Variants in KLHL24 observed in about 807,000 individuals in gnomAD.
KLHL24 encodes the protein kelch-like protein 24.
In KLHL24, 29 loss-of-function variants were observed where a neutral mutation model predicts 53.4. That is an observed-to-expected ratio of 0.54 (90% CI 0.40 to 0.74). KLHL24 has a LOEUF of 0.74. KLHL24 is among the 30% of genes least tolerant of loss of function. The pLI, the probability that KLHL24 is intolerant of heterozygous loss-of-function variation, is 0.00. For missense variants in KLHL24, 504 were observed against 744.0 expected, an observed-to-expected ratio of 0.68 and a Z score of 3.75; for synonymous variants, 222 against 253.7, an observed-to-expected ratio of 0.88 and a Z score of 1.19.
At chr3:183,653,835 G>A (rs1192697623) in intron 3 of KLHL24, among the ~76,000 whole-genome samples, 1 of 152,084 alleles carries the variant, frequency 6.6e-6, no homozygotes, top group Non-Finnish European at 1.5e-5. Flanking sequence ...ATGTTGATCT[G>A]CTGAGTTGGT....
intron 3 of KLHL24, among the ~76,000 whole-genome samples, chr3:183,652,710 C>G (rs915596965): frequency 2.6e-5 from 4 of 152,134 alleles, no homozygotes; most frequent in Non-Finnish European, 4.4e-5. Flanking sequence ...AAAATTTATA[C>G]TAGTTTGAAT....
Position 183,663,443 on chromosome 3 carries a change from T to G in KLHL24, c.921-15T>G. On this transcript the variant is annotated splice_polypyrimidine_tract_variant and intron_variant, in intron 3 of 7. Coordinates refer to ENST00000242810, the MANE Select transcript of KLHL24 (RefSeq NM_017644.3). The surrounding 1 kb of genome is among the most constrained non-coding windows in gnomAD (Gnocchi z 4.9). The stretch of plus-strand genomic sequence containing the variant: ...TTATTATATTATTTATGTACGCTAA[T>G]AATTATTATTTTAGGTCCACTGGCT... 1 of 1,347,084 alleles carries G rather than the reference T, an allele frequency of 7.4e-7. No homozygotes were observed. Among genetic ancestry groups the G allele is most frequent in the Non-Finnish European group, 1.0e-6 (1 of 1,001,258 alleles). 83.4% of individuals were successfully genotyped at this position (1,347,084 alleles called of 1,614,324 possible).
chr3:183,667,537 A>T (rs540336610), intron 5 of KLHL24, among the ~76,000 whole-genome samples: 68 of 152,146 alleles, frequency 4.5e-4, no homozygotes, highest in African/African-American at 1.6e-3. Flanking sequence ...TGCTTATGAG[A>T]ATCTAATGCC....
At position 183,662,747 on chromosome 3, in the gene KLHL24, G is replaced by C. The variant is rs1033593266; in HGVS notation, c.921-711G>C. Reference sequence around the variant, plus strand: ...TTTGGAAATTTGTAATGATAGAAATGGGGGGAGCCAAACAATTCAGAGACA... The same window carrying C: ...TTTGGAAATTTGTAATGATAGAAATCGGGGGAGCCAAACAATTCAGAGACA... On this transcript the variant is annotated intron_variant, in intron 3 of 7. Coordinates refer to ENST00000242810, the MANE Select transcript of KLHL24 (RefSeq NM_017644.3). 3.9e-5 allele frequency among the ~76,000 whole-genome samples: 6 copies of C among 152,212 alleles called. No homozygotes were observed. The East Asian group carries it at 7.7e-4, about 20-fold the overall frequency.
chr3:183,665,349 T>C (rs1720380187), intron 5 of KLHL24, among the ~76,000 whole-genome samples: 1 of 152,254 alleles, frequency 6.6e-6, no homozygotes, highest in South Asian at 2.1e-4. Context: ...GGCCAATGTC[T>C]AACCCACGCA....
Position 183,681,527 on chromosome 3 carries a change from AT to A in KLHL24, c.*2248del, listed in dbSNP as rs1442150911. 2.6e-5 allele frequency: 4 copies of A among 152,234 alleles called. No homozygotes were observed. Among genetic ancestry groups the A allele is most frequent in the Non-Finnish European group, 5.9e-5 (4 of 67,830 alleles). 9.4% of individuals were successfully genotyped at this position (152,234 alleles called of 1,614,324 possible). ...TTGAAATGAAATCCTGAAAAACAGAATTTTTTTAAACACAGACCTCACACCA... is the reference window on the plus strand; with the variant it reads ...TTGAAATGAAATCCTGAAAAACAGAATTTTTTAAACACAGACCTCACACCA... On this transcript the variant is annotated 3_prime_UTR_variant, in exon 8 of 8. Transcript: ENST00000242810.
At chr3:183,658,296 C>T (rs1379523097) in intron 3 of KLHL24, among the ~76,000 whole-genome samples, 1 of 152,096 alleles carries the variant, frequency 6.6e-6, no homozygotes, top group Admixed American at 6.6e-5. Flanking sequence ...ACAGCACTCA[C>T]AGTTCTGCAC....
chr3:183,639,623 C>CT (rs1478317735), intron 1 of KLHL24, among the ~76,000 whole-genome samples: 1 of 110,810 alleles, frequency 9.0e-6, no homozygotes, highest in East Asian at 2.7e-4. Flanking sequence ...GAGCAAGACT[C>CT]TGTCTCAAAA....
At chr3:183,668,143 T>C (rs557633075) in intron 5 of KLHL24, among the ~76,000 whole-genome samples, 27 of 151,742 alleles carry the variant, frequency 1.8e-4, no homozygotes, top group African/African-American at 6.3e-4. Flanking sequence ...TAGAATCTTT[T>C]CTAAAACCAT....
rs934428095 is a variant in KLHL24, at chr3:183,683,897, C to T, written c.*4611C>T. The stretch of plus-strand genomic sequence containing the variant: ...TCTTAAATTGTGTAATAAGCACCAA[C>T]GTGTGGTTGCTTGGCAGAATGAGAA... On this transcript the variant is annotated 3_prime_UTR_variant, in exon 8 of 8. Coordinates refer to ENST00000242810, the MANE Select transcript of KLHL24 (RefSeq NM_017644.3). 2.6e-5 allele frequency: 4 copies of T among 152,500 alleles called. No homozygotes were observed. Among genetic ancestry groups the T allele is most frequent in the Middle Eastern group, 6.8e-3 (2 of 294 alleles). The allele number at this position is 152,500 out of a possible 1,614,324, so 9.4% of individuals were successfully genotyped here.
At chr3:183,670,805 T>C (rs1721238368) in intron 5 of KLHL24, among the ~76,000 whole-genome samples, 1 of 152,198 alleles carries the variant, frequency 6.6e-6, no homozygotes, top group South Asian at 2.1e-4. Context: ...TACAATTTTA[T>C]TGAGGGAAGA....
At position 183,650,273 on chromosome 3, in the gene KLHL24, T is replaced by G; in HGVS notation, c.-61-23T>G. On this transcript the variant is annotated intron_variant, in intron 2 of 7. Transcript: ENST00000242810. The surrounding 1 kb of genome is among the most constrained non-coding windows in gnomAD (Gnocchi z 4.5). The stretch of plus-strand genomic sequence containing the variant: ...ATACTGAATTTTTTGCATATTGAAA[T>G]GTTTTCCTTTTTTTACTTTTAGCCA... 9.5e-7 allele frequency: 1 copy of G among 1,049,438 alleles called. No homozygotes were observed. The highest frequency in any genetic ancestry group is 1.7e-5 in the South Asian group (1 of 59,964). 65.0% of individuals were successfully genotyped at this position (1,049,438 alleles called of 1,614,324 possible).
At chr3:183,665,339 G>A (rs1720376787) in intron 5 of KLHL24, among the ~76,000 whole-genome samples, 1 of 152,180 alleles carries the variant, frequency 6.6e-6, no homozygotes, top group Non-Finnish European at 1.5e-5. Flanking sequence ...AATACAGACA[G>A]GCCAATGTCT....
intron 2 of KLHL24, among the ~76,000 whole-genome samples, chr3:183,645,362 A>G (rs1394087211): frequency 1.3e-5 from 2 of 152,240 alleles, no homozygotes; most frequent in African/African-American, 2.4e-5. Flanking sequence ...TCAAATTAAA[A>G]GCATATTTGA....
intron 7 of KLHL24, 54 bp downstream of exon 7, chr3:183,672,538 A>C: frequency 8.0e-7 from 1 of 1,250,668 alleles, no homozygotes; most frequent in Non-Finnish European, 1.1e-6. Flanking sequence ...GACCAAGTAC[A>C]TAATCATTAT....
In KLHL24 at chr3:183,663,551, A is replaced by G; in HGVS notation, c.1014A>G (p.Val338=). The G allele has an allele frequency of 6.2e-7, 1 of 1,609,380 alleles. No homozygotes were observed. Residue 338 remains valine, a synonymous_variant, in exon 4 of 8, where the codon GTA becomes GTG. Transcript: ENST00000242810. The surrounding 1 kb of genome is among the most constrained non-coding windows in gnomAD (Gnocchi z 4.9). ...CATACACTGAGTGCTACGATCCTGT[A>G]ACAGGAGAATGGAAGTCTTTGGCTA... is the stretch of plus-strand genomic sequence containing the variant. The part of the protein sequence containing the change: ...NLPYTECYDP[V]TGEWKSLAKL...
chr3:183,664,979 C>T lies in KLHL24; in HGVS notation c.1164C>T (p.Ile388=), dbSNP rs1287802351. Residue 388 remains isoleucine (I), a synonymous_variant, in exon 5 of 8, where the codon ATC becomes ATT. Coordinates refer to ENST00000242810, the MANE Select transcript of KLHL24 (RefSeq NM_017644.3). ...WIYNSQLNIW[I]RVASLNKGRW... Reference sequence around the variant, plus strand: ...ATAACTCACAGTTAAATATTTGGATCAGAGTTGCCTCTCTCAATAAAGGCA... The same window carrying T: ...ATAACTCACAGTTAAATATTTGGATTAGAGTTGCCTCTCTCAATAAAGGCA... 6.2e-7 allele frequency: 1 copy of T among 1,612,866 alleles called. No homozygotes were observed. Among genetic ancestry groups the T allele is most frequent in the South Asian group, 1.1e-5 (1 of 90,896 alleles).
chr3:183,637,097 C>G (rs912745763), intron 1 of KLHL24, among the ~76,000 whole-genome samples: 1 of 152,174 alleles, frequency 6.6e-6, no homozygotes, highest in Non-Finnish European at 1.5e-5. Context: ...TTAGGGGGCC[C>G]CACGGTCACC....
intron 4 of KLHL24, among the ~76,000 whole-genome samples, chr3:183,664,451 G>A (rs1040566326): frequency 6.6e-6 from 1 of 151,896 alleles, no homozygotes; most frequent in African/African-American, 2.4e-5. Flanking sequence ...TCTATGATGG[G>A]AAGTCTGTTA....
Sources: allele counts gnomAD v4.1 joint callset (sites outside exome capture counted in the v4.1 genomes callset), GRCh38; gene constraint gnomAD v4.1.1; non-coding constraint Gnocchi (gnomAD v3.1); transcripts MANE v1.5; gene names NCBI Gene and HGNC (gene_info 2026-07-23, HGNC 2026-07-21).